OCA2: variants seen among roughly 807,000 people sequenced by gnomAD.
OCA2 encodes OCA2 melanosomal transmembrane protein.
Under a neutral mutation model 100.2 loss-of-function variants are expected in OCA2, and 77 were observed. The ratio of observed to expected loss-of-function variants is 0.77; its 90% CI spans 0.64 to 0.93. The LOEUF is 0.93. Among genes scored for constraint, OCA2 ranks in the 40% least tolerant of loss-of-function variants. OCA2 has a pLI of 0.00. For synonymous variants in OCA2, 432 were observed against 439.2 expected (o/e 0.98, Z 0.21); for missense variants, 1,062 against 1,089.1 (o/e 0.98, Z 0.35).
At position 28,048,657 on chromosome 15, in the gene OCA2, G is replaced by GA. The variant is rs567441450; in HGVS notation, c.228-16495dup. ...AGCACCAAAATCCCAAGCAATAACAGAAAAAAAAATAGATAAATTGAGCTT... is the reference window on the plus strand; with the variant it reads ...AGCACCAAAATCCCAAGCAATAACAGAAAAAAAAAATAGATAAATTGAGCTT... On this transcript the variant is annotated intron_variant, in intron 2 of 23. Transcript: ENST00000354638. Among the ~76,000 whole-genome samples, 28 of 150,842 alleles carry GA rather than the reference G, an allele frequency of 1.9e-4. No individual in the cohort carries two copies. The South Asian group carries it at 1.9e-3, about 10-fold the overall frequency.
intron 23 of OCA2, among the ~76,000 whole-genome samples, chr15:27,825,637 C>T (rs531398633): frequency 6.6e-5 from 10 of 152,206 alleles, no homozygotes; most frequent in Non-Finnish European, 8.8e-5. Flanking sequence ...ACAGGACAGA[C>T]GCCAACCAGG....
rs1398283590 is a variant in OCA2 at position 27,874,360 on chromosome 15, C to T, written c.2080-2438G>A. On this transcript the variant is annotated intron_variant, in intron 19 of 23. Transcript: ENST00000354638. ...TGTGAACACCTGTGAGGGTTGTAGG[C>T]TCCACTGTTTCTCACATTGAGCCAA... Among the ~76,000 whole-genome samples the T allele has an allele frequency of 3.3e-5, 5 of 152,174 alleles. No homozygotes were observed. In the East Asian group the frequency reaches 9.6e-4, roughly 29 times the overall value.
chr15:27,914,008 T>C lies in OCA2; in HGVS notation c.2079+12119A>G, dbSNP rs144885993. 3.0e-3 allele frequency among the ~76,000 whole-genome samples: 453 copies of C among 152,014 alleles called. 12 individuals are homozygous for C. The East Asian group carries it at 0.076, about 26-fold the overall frequency. On this transcript the variant is annotated intron_variant, in intron 19 of 23. Transcript: ENST00000354638. ...AATCCTCAATAAAATACTAGCAAAT[T>C]GAATCCAGCAGCTCATCAAAAAGCT... is the stretch of plus-strand genomic sequence containing the variant.
At chr15:28,085,239 C>G (rs1192629698) in intron 1 of OCA2, among the ~76,000 whole-genome samples, 1 of 152,176 alleles carries the variant, frequency 6.6e-6, no homozygotes, top group African/African-American at 2.4e-5. Context: ...CTCCTTCACT[C>G]CCCACTTAAA....
chr15:27,916,085 G>T (rs1209619509), intron 19 of OCA2, among the ~76,000 whole-genome samples: 1 of 152,094 alleles, frequency 6.6e-6, no homozygotes, highest in African/African-American at 2.4e-5. Context: ...GCAAACTAAT[G>T]CAGGAACAGA....
chr15:27,803,059 CAA>C (rs1451592083), intron 23 of OCA2, among the ~76,000 whole-genome samples: 45 of 152,032 alleles, frequency 3.0e-4, no homozygotes, highest in African/African-American at 1.0e-3. Context: ...TCTGAAAATT[CAA>C]TAATAAACAA....
intron 9 of OCA2, among the ~76,000 whole-genome samples, chr15:28,005,611 T>C (rs1026912967): frequency 7.2e-5 from 11 of 152,098 alleles, no homozygotes; most frequent in Non-Finnish European, 1.6e-4. Flanking sequence ...CGCATCACAC[T>C]TCTGTGACCC....
At chr15:27,928,087 C>T (rs2039111884) in intron 18 of OCA2, among the ~76,000 whole-genome samples, 1 of 152,112 alleles carries the variant, frequency 6.6e-6, no homozygotes, top group Non-Finnish European at 1.5e-5. Context: ...CCACCATGCC[C>T]AGCCAACACT....
In OCA2 at chr15:27,862,146, T is replaced by G. The variant is rs549445599; in HGVS notation, c.2244+9008A>C. ...CGTGATCGTCAGCCTCAAGTCCTCA[T>G]GGACAGAAAGCGCGGTCGTCAGCCT... is the stretch of plus-strand genomic sequence containing the variant. On this transcript the variant is annotated intron_variant, in intron 21 of 23. Transcript: ENST00000354638. Among the ~76,000 whole-genome samples, 11 of 148,488 alleles carry G rather than the reference T, an allele frequency of 7.4e-5. No homozygotes were observed. The South Asian group carries it at 2.1e-3, about 29-fold the overall frequency.
chr15:27,835,429 A>C (rs889990571), intron 23 of OCA2, among the ~76,000 whole-genome samples: 1 of 152,136 alleles, frequency 6.6e-6, no homozygotes, highest in African/African-American at 2.4e-5. Flanking sequence ...TTGGGCCCCC[A>C]CAACCTGGAC....
chr15:28,094,697 A>G (rs1209621306), intron 1 of OCA2, among the ~76,000 whole-genome samples: 1 of 152,146 alleles, frequency 6.6e-6, no homozygotes, highest in Non-Finnish European at 1.5e-5. Context: ...CGTGCCCCCG[A>G]ACTCGGGCCC....
Position 27,917,459 on chromosome 15 carries a change from A to G in OCA2, c.2079+8668T>C, listed in dbSNP as rs185906548. Among the ~76,000 whole-genome samples, 44 of 152,316 alleles carry G rather than the reference A, an allele frequency of 2.9e-4. 1 individual carries two copies. The highest frequency in any genetic ancestry group is 9.9e-4 in the African/African-American group (41 of 41,580). On this transcript the variant is annotated intron_variant, in intron 19 of 23. Coordinates refer to ENST00000354638, the MANE Select transcript of OCA2 (RefSeq NM_000275.3). Reference sequence around the variant, plus strand: ...TGTGCTCATAAACATCATGTGAACTATAACCTGTTCGCCTGAATTGGAAGA... The same window carrying G: ...TGTGCTCATAAACATCATGTGAACTGTAACCTGTTCGCCTGAATTGGAAGA...
chr15:27,790,639 G>A (rs905654700), intron 23 of OCA2, among the ~76,000 whole-genome samples: 3 of 152,108 alleles, frequency 2.0e-5, no homozygotes. Flanking sequence ...AATGTAAAGG[G>A]GTACCAGAAA....
At chr15:27,723,911 G>A in the OCA2 span, among the ~76,000 whole-genome samples, 3 of 152,218 alleles carry the variant, frequency 2.0e-5, no homozygotes, top group Admixed American at 6.5e-5. Flanking sequence ...CCTTCTGCGT[G>A]CACAACCTCC....
intron 23 of OCA2, among the ~76,000 whole-genome samples, chr15:27,810,534 G>A (rs2034035089): frequency 6.6e-6 from 1 of 152,128 alleles, no homozygotes; most frequent in South Asian, 2.1e-4. Context: ...AAAAACTTCT[G>A]TACAGCAAAA....
Position 27,755,442 on chromosome 15 carries a change from G to A in OCA2, c.2463C>T (p.Cys821=). Residue 821 remains cysteine (C), a synonymous_variant, in exon 24 of 24, where the codon TGC becomes TGT. Coordinates refer to ENST00000354638, the MANE Select transcript of OCA2 (RefSeq NM_000275.3). The stretch of plus-strand genomic sequence containing the variant: ...CAAGGAGATAACACATCCCAACAGT[G>A]CAGGACACAACCATCATTGGGAAGC... ...RLGFPMMVVS[C]TVGMCYLLVA... is the part of the protein sequence containing the mutation. 1 of 1,613,868 alleles carries A rather than the reference G, an allele frequency of 6.2e-7. No homozygotes were observed. Among genetic ancestry groups the A allele is most frequent in the Non-Finnish European group, 8.5e-7 (1 of 1,179,786 alleles).
At chr15:27,988,636 G>A (rs757398865) in intron 11 of OCA2, among the ~76,000 whole-genome samples, 1 of 152,200 alleles carries the variant, frequency 6.6e-6, no homozygotes. Context: ...TATTATTTAA[G>A]CCACACGGTC....
chr15:27,868,431 G>A (rs561177828), intron 21 of OCA2, among the ~76,000 whole-genome samples: 3 of 152,282 alleles, frequency 2.0e-5, no homozygotes, highest in African/African-American at 7.2e-5. Context: ...ATGGATGAAC[G>A]CAGACGGCAT....
intron 19 of OCA2, among the ~76,000 whole-genome samples, chr15:27,886,468 G>C (rs1338363349): frequency 6.6e-6 from 1 of 152,038 alleles, no homozygotes; most frequent in Non-Finnish European, 1.5e-5. Flanking sequence ...ATTTATAATG[G>C]CAGGTTTAAA....
Sources: gnomAD v4.1 joint callset for allele counts (sites outside exome capture counted in the v4.1 genomes callset) on GRCh38, gnomAD v4.1.1 for gene constraint, MANE v1.5 for transcripts, NCBI Gene and HGNC (gene_info 2026-07-23, HGNC 2026-07-21) for gene names.